Variants in PCDHA13 observed in about 807,000 individuals in gnomAD.
PCDHA13 encodes the protein protocadherin alpha-13.
A neutral mutation model predicts 64.8 loss-of-function variants in PCDHA13; 54 were observed. The observed-to-expected ratio is 0.83, with a 90% CI of 0.67 to 1.04. The LOEUF (loss-of-function observed/expected upper bound fraction) is 1.04, where lower values mean the gene tolerates loss of function less well. PCDHA13 is among the 50% of genes least tolerant of loss of function. PCDHA13 has a pLI of 0.00. For synonymous variants in PCDHA13, 587 were observed against 564.4 expected (o/e 1.04, Z -0.57); for missense variants, 1,248 against 1,254.3 (o/e 0.99, Z 0.08).
chr5:140,922,790 C>G (rs1174493923), intron 1 of PCDHA13, among the ~76,000 whole-genome samples: 3 of 152,074 alleles, frequency 2.0e-5, no homozygotes, highest in African/African-American at 7.2e-5. Flanking sequence ...AAAACTGTAG[C>G]TTTGGAATAC....
At chr5:140,900,369 CTGGGT>C (rs1554189090) in intron 1 of PCDHA13, among the ~76,000 whole-genome samples, 2 of 152,158 alleles carry the variant, frequency 1.3e-5, no homozygotes, top group Non-Finnish European at 2.9e-5. Flanking sequence ...CCTCTGCCTC[CTGGGT>C]TCAAGCGATT....
In PCDHA13 at chr5:140,922,322, GA is replaced by G. The variant is rs2080774913; in HGVS notation, c.2394+37663del. Among the ~76,000 whole-genome samples the G allele has an allele frequency of 2.0e-5, 3 of 152,302 alleles. No homozygotes were observed. The East Asian group carries it at 5.8e-4, about 29-fold the overall frequency. ...AGGATACCTTTCACTGAAGATCTTG[GA>G]AAGGGTTGGTATATTGGTATTTTCT... On this transcript the variant is annotated intron_variant, in intron 1 of 3. Transcript: ENST00000289272.
At chr5:141,003,094 A>G (rs2098111645) in intron 3 of PCDHA13, among the ~76,000 whole-genome samples, 1 of 152,230 alleles carries the variant, frequency 6.6e-6, no homozygotes, top group African/African-American at 2.4e-5. Flanking sequence ...CAGGCCTGGC[A>G]TTTGCTTCAC....
chr5:140,941,185 C>CTTT (rs782102770), intron 1 of PCDHA13, among the ~76,000 whole-genome samples: 77 of 102,238 alleles, frequency 7.5e-4, no homozygotes, highest in Admixed American at 3.0e-3. Flanking sequence ...CATCCTGCTT[C>CTTT]TTTTTTTTTC....
At chr5:140,887,192 G>A (rs2061344460) in intron 1 of PCDHA13, among the ~76,000 whole-genome samples, 1 of 151,802 alleles carries the variant, frequency 6.6e-6, no homozygotes, top group African/African-American at 2.4e-5. Flanking sequence ...CACCTCCCGG[G>A]TTCACGCCAT....
rs1041971288 is a variant in PCDHA13, at chr5:140,912,300, A to G, written c.2394+27638A>G. ...CCAGGAACAATACTTTGCCTCCTGT[A>G]ATCCAGTCAAGTTGACCCTCAGTAT... On this transcript the variant is annotated intron_variant, in intron 1 of 3. Coordinates refer to ENST00000289272, the MANE Select transcript of PCDHA13 (RefSeq NM_018904.3). Among the ~76,000 whole-genome samples, 5 of 152,070 alleles carry G rather than the reference A, an allele frequency of 3.3e-5. No homozygotes were observed. The East Asian group carries it at 9.7e-4, about 29-fold the overall frequency.
intron 1 of PCDHA13, chr5:140,927,194 T>C (rs2083959275): frequency 1.2e-6 from 2 of 1,614,122 alleles, no homozygotes; most frequent in Non-Finnish European, 1.7e-6. Context: ...GACCTGGTGC[T>C]CGAGGACCCG....
chr5:141,000,421 A>T (rs4912737), intron 3 of PCDHA13, among the ~76,000 whole-genome samples: 2,503 of 28,048 alleles, frequency 0.089, 337 homozygotes, highest in East Asian at 0.098. Flanking sequence ...ATATATATAT[A>T]TTTTTTTTTT....
chr5:140,968,046 T>A (rs1554230254), intron 1 of PCDHA13: 2 of 1,614,072 alleles, frequency 1.2e-6, no homozygotes, highest in African/African-American at 1.3e-5. Context: ...AGCGGCCCAC[T>A]GGACCGAGAG....
rs184672024 is a variant in PCDHA13, at chr5:140,889,762, T to C, written c.2394+5100T>C. Among the ~76,000 whole-genome samples, 15 of 152,308 alleles carry C rather than the reference T, an allele frequency of 9.8e-5. No homozygotes were observed. The East Asian group carries it at 2.9e-3, about 29-fold the overall frequency. The stretch of plus-strand genomic sequence containing the variant: ...GAGTCTAATTTTTCTTTCCTTGAAC[T>C]TTGACTGGTCTTAATATTGGAAGTA... On this transcript the variant is annotated intron_variant, in intron 1 of 3. Coordinates refer to ENST00000289272, the MANE Select transcript of PCDHA13 (RefSeq NM_018904.3).
intron 1 of PCDHA13, among the ~76,000 whole-genome samples, chr5:140,898,597 G>T (rs1452719602): frequency 6.6e-6 from 1 of 152,186 alleles, no homozygotes; most frequent in Non-Finnish European, 1.5e-5. Context: ...CTGTAGCCTT[G>T]TAGTATAGTT....
In PCDHA13 at chr5:140,891,823, C is replaced by T. The variant is rs186209593; in HGVS notation, c.2394+7161C>T. On this transcript the variant is annotated intron_variant, in intron 1 of 3. Transcript: ENST00000289272. ...TGCCCTCATGAATAAATTAACGGCACTGTAAAAGGACTTGATGGAAGGAGC... is the reference window on the plus strand; with the variant it reads ...TGCCCTCATGAATAAATTAACGGCATTGTAAAAGGACTTGATGGAAGGAGC... Among the ~76,000 whole-genome samples, 1,217 of 152,254 alleles carry T rather than the reference C, an allele frequency of 8.0e-3. 6 individuals carry two copies. The highest frequency in any genetic ancestry group is 0.019 in the African/African-American group (784 of 41,536).
chr5:140,978,571 A>G (rs891123704), intron 1 of PCDHA13, among the ~76,000 whole-genome samples: 5 of 152,208 alleles, frequency 3.3e-5, no homozygotes, highest in African/African-American at 1.2e-4. Flanking sequence ...TGTAATACTG[A>G]ATTGGGAATG....
chr5:140,927,960 C>G, intron 1 of PCDHA13: 2 of 1,614,196 alleles, frequency 1.2e-6, no homozygotes, highest in Non-Finnish European at 1.7e-6. Flanking sequence ...CTGCCCCTGG[C>G]ACAGTGATTG....
intron 3 of PCDHA13, among the ~76,000 whole-genome samples, chr5:140,990,304 A>T (rs114506238): frequency 3.9e-5 from 6 of 152,286 alleles, no homozygotes; most frequent in Non-Finnish European, 8.8e-5. Context: ...CATTGTCTGT[A>T]AAAAACCAAC....
chr5:140,929,679 G>T lies in PCDHA13; in HGVS notation c.2394+45017G>T, dbSNP rs142104946. ...ATTTAAAGTGAAGAATGAAAAATAT[G>T]TAAGAGTCTGCTTTATATGAATATA... On this transcript the variant is annotated intron_variant, in intron 1 of 3. Coordinates refer to ENST00000289272, the MANE Select transcript of PCDHA13 (RefSeq NM_018904.3). 2.7e-3 allele frequency: 822 copies of T among 303,170 alleles called. 4 individuals are homozygous for T. Among genetic ancestry groups the T allele is most frequent in the African/African-American group, 0.017 (768 of 46,460 alleles). The allele number at this position is 303,170 out of a possible 1,614,324, so 18.8% of individuals were successfully genotyped here. A position where few individuals can be genotyped will look rare whatever the true frequency, so the allele number is the denominator to read the frequency against.
At chr5:140,946,867 G>A (rs1194586546) in intron 1 of PCDHA13, among the ~76,000 whole-genome samples, 1 of 151,282 alleles carries the variant, frequency 6.6e-6, no homozygotes, top group Non-Finnish European at 1.5e-5. Context: ...GGAGAGGTTG[G>A]TCAATGGGTA....
At chr5:140,898,467 T>G (rs576206648) in intron 1 of PCDHA13, among the ~76,000 whole-genome samples, 147 of 152,296 alleles carry the variant, frequency 9.7e-4, no homozygotes, top group Non-Finnish European at 1.9e-3. Flanking sequence ...CATTGCTTGT[T>G]TTTCTCAGGT....
intron 1 of PCDHA13, among the ~76,000 whole-genome samples, chr5:140,932,700 A>G (rs1584752908): frequency 6.6e-6 from 1 of 151,992 alleles, no homozygotes; most frequent in East Asian, 1.9e-4. Flanking sequence ...AAAAACTCAT[A>G]TAGACAACAC....
Sources: gnomAD v4.1 joint callset for allele counts (sites outside exome capture counted in the v4.1 genomes callset) on GRCh38, gnomAD v4.1.1 for gene constraint, MANE v1.5 for transcripts, NCBI Gene and HGNC (gene_info 2026-07-23, HGNC 2026-07-21) for gene names.